Variants in CDH13 observed in about 807,000 individuals in gnomAD.
CDH13 encodes the protein cadherin 13, also known as cadherin-13.
Under a neutral mutation model 63.8 loss-of-function variants are expected in CDH13, and 24 were observed. That is an observed-to-expected ratio of 0.38 (90% CI 0.27 to 0.53). The LOEUF is 0.53. Ranked by LOEUF, CDH13 falls within the 20% of genes least tolerant of loss-of-function variation. The pLI is 0.85. For missense variants in CDH13, 1,049 were observed against 903.1 expected (o/e 1.16, Z -2.07); for synonymous variants, 503 against 355.3 (o/e 1.42, Z -4.67).
chr16:83,157,305 G>C (rs1472618502), intron 4 of CDH13, among the ~76,000 whole-genome samples: 3 of 152,182 alleles, frequency 2.0e-5, no homozygotes. Context: ...AGGAACAGGA[G>C]CCAGGTAGTG....
chr16:83,629,899 C>A (rs2150791178), intron 8 of CDH13, among the ~76,000 whole-genome samples: 1 of 152,336 alleles, frequency 6.6e-6, no homozygotes, highest in Non-Finnish European at 1.5e-5. Context: ...GCGTTGAATC[C>A]ATTCAGGTAG....
Position 83,344,863 on chromosome 16 carries a change from T to C in CDH13, c.638T>C (p.Leu213Pro). The C allele has an allele frequency of 6.2e-7, 1 of 1,613,830 alleles. No homozygotes were observed. Among genetic ancestry groups the C allele is most frequent in the Non-Finnish European group, 8.5e-7 (1 of 1,179,724 alleles). ...LDREVIAVYQ[L>P]FVETTDVNGK... Reference sequence around the variant, plus strand: ...CCCCCAATCTCTTTGCTCAAATAGCTATTTGTGGAGACCACTGATGTCAAT... The same window carrying C: ...CCCCCAATCTCTTTGCTCAAATAGCCATTTGTGGAGACCACTGATGTCAAT... The change falls in exon 6 of 14, where the codon CTA becomes CCA. Residue 213 changes from leucine (L) to proline (P), a missense_variant and splice_region_variant. Physicochemically the swap from Leu to Pro is moderately conservative, Grantham distance 98. Transcript: ENST00000567109.
chr16:82,635,572 T>C (rs1908554604), intron 1 of CDH13, among the ~76,000 whole-genome samples: 1 of 152,172 alleles, frequency 6.6e-6, no homozygotes, highest in Non-Finnish European at 1.5e-5. Flanking sequence ...CAGAGTGATG[T>C]GATCAGATTT....
At chr16:83,039,896 C>T (rs555635481) in intron 3 of CDH13, among the ~76,000 whole-genome samples, 1 of 152,122 alleles carries the variant, frequency 6.6e-6, no homozygotes, top group African/African-American at 2.4e-5. Flanking sequence ...TGCTTCAGAA[C>T]CAGCCAAGAT....
rs952053576 is a variant in CDH13 at position 82,734,509 on chromosome 16, G to T, written c.45+107372G>T. Among the ~76,000 whole-genome samples, 7 of 152,272 alleles carry T rather than the reference G, an allele frequency of 4.6e-5. No homozygotes were observed. The South Asian group carries it at 1.5e-3, about 32-fold the overall frequency. Reference sequence around the variant, plus strand: ...CTGGGCACGTGGGGGCCACTGTAGGGGAGAGAGGGAGGATTCTGCAGAGTG... The same window carrying T: ...CTGGGCACGTGGGGGCCACTGTAGGTGAGAGAGGGAGGATTCTGCAGAGTG... On this transcript the variant is annotated intron_variant, in intron 1 of 13. Coordinates refer to ENST00000567109, the MANE Select transcript of CDH13 (RefSeq NM_001257.5).
chr16:83,443,679 T>C (rs2151498667), intron 6 of CDH13, among the ~76,000 whole-genome samples: 1 of 140,536 alleles, frequency 7.1e-6, no homozygotes, highest in South Asian at 2.2e-4. Context: ...GAGGCCAGCC[T>C]GGGCAACAGA....
At chr16:83,479,738 G>A (rs1431190669) in intron 6 of CDH13, among the ~76,000 whole-genome samples, 1 of 152,142 alleles carries the variant, frequency 6.6e-6, no homozygotes, top group Non-Finnish European at 1.5e-5. Context: ...CATTCTCAAA[G>A]GGGGTAATAT....
chr16:82,633,926 C>T (rs979135342), intron 1 of CDH13, among the ~76,000 whole-genome samples: 2 of 152,184 alleles, frequency 1.3e-5, no homozygotes, highest in Middle Eastern at 3.2e-3. Flanking sequence ...AAATATAACT[C>T]CATATACACA....
chr16:82,713,612 A>C (rs972908712), intron 1 of CDH13, among the ~76,000 whole-genome samples: 3 of 152,092 alleles, frequency 2.0e-5, no homozygotes, highest in Non-Finnish European at 4.4e-5. Context: ...GATTGTTATG[A>C]TGTCTTGTAC....
At chr16:82,838,479 T>G (rs760212838) in intron 1 of CDH13, among the ~76,000 whole-genome samples, 6 of 152,212 alleles carry the variant, frequency 3.9e-5, no homozygotes, top group Non-Finnish European at 5.9e-5. Context: ...ACTTAAAGTA[T>G]TGTCTTTGAA....
At chr16:83,675,162 C>T in intron 9 of CDH13, among the ~76,000 whole-genome samples, 1 of 152,280 alleles carries the variant, frequency 6.6e-6, no homozygotes, top group Non-Finnish European at 1.5e-5. Flanking sequence ...GGCCCAGCAA[C>T]AGACAAAGCA....
chr16:83,156,580 T>C (rs1441923143), intron 4 of CDH13, among the ~76,000 whole-genome samples: 1 of 152,188 alleles, frequency 6.6e-6, no homozygotes, highest in South Asian at 2.1e-4. Context: ...CAAAGGTTTA[T>C]GTTTTCAAAG....
chr16:82,997,261 G>C (rs952421174), intron 2 of CDH13, among the ~76,000 whole-genome samples: 1 of 152,016 alleles, frequency 6.6e-6, no homozygotes. Context: ...GCTAGATATT[G>C]TGCTAAATAT....
At chr16:82,809,215 C>T (rs1036506244) in intron 1 of CDH13, among the ~76,000 whole-genome samples, 8 of 151,864 alleles carry the variant, frequency 5.3e-5, no homozygotes, top group Non-Finnish European at 1.0e-4. Context: ...TTCGTGTCAC[C>T]ATATTTTAAA....
At chr16:83,457,032 G>C (rs1156341426) in intron 6 of CDH13, among the ~76,000 whole-genome samples, 1 of 152,174 alleles carries the variant, frequency 6.6e-6, no homozygotes, top group East Asian at 1.9e-4. Flanking sequence ...GCAAGAGGCA[G>C]GTTACTAGGG....
Position 82,712,570 on chromosome 16 carries a change from C to T in CDH13, c.45+85433C>T, listed in dbSNP as rs185005246. ...CCTGTGCCCCACCTATCACACCTGTCCTTTGTCCCTTTCTCACATGGATGT... is the reference window on the plus strand; with the variant it reads ...CCTGTGCCCCACCTATCACACCTGTTCTTTGTCCCTTTCTCACATGGATGT... On this transcript the variant is annotated intron_variant, in intron 1 of 13. Coordinates refer to ENST00000567109, the MANE Select transcript of CDH13 (RefSeq NM_001257.5). Among the ~76,000 whole-genome samples the T allele has an allele frequency of 1.8e-3, 275 of 152,340 alleles. 5 individuals carry two copies. The highest frequency in any genetic ancestry group is 0.014 in the Admixed American group (213 of 15,302).
chr16:82,724,137 A>T (rs2032949800), intron 1 of CDH13, among the ~76,000 whole-genome samples: 1 of 152,148 alleles, frequency 6.6e-6, no homozygotes, highest in South Asian at 2.1e-4. Context: ...TGCAGGGTAA[A>T]GAGGTTTTTT....
At chr16:82,983,089 C>T (rs939556910) in intron 2 of CDH13, among the ~76,000 whole-genome samples, 2 of 152,116 alleles carry the variant, frequency 1.3e-5, no homozygotes, top group African/African-American at 4.8e-5. Context: ...ATTATCTTTC[C>T]TCACCAAAGA....
intron 2 of CDH13, among the ~76,000 whole-genome samples, chr16:82,928,356 A>T (rs2042371850): frequency 6.6e-6 from 1 of 152,210 alleles, no homozygotes; most frequent in Non-Finnish European, 1.5e-5. Flanking sequence ...ATGTGGACCC[A>T]TTGCATGTGG....
Sources: allele counts gnomAD v4.1 joint callset (sites outside exome capture counted in the v4.1 genomes callset), GRCh38; gene constraint gnomAD v4.1.1; transcripts MANE v1.5; gene names NCBI Gene and HGNC (gene_info 2026-07-23, HGNC 2026-07-21).